RARB: variants seen among roughly 807,000 people sequenced by gnomAD.
RARB encodes HBV-activated protein.
A neutral mutation model predicts 51.9 loss-of-function variants in RARB; 17 were observed. The observed-to-expected ratio is 0.33, with a 90% CI of 0.22 to 0.49. RARB has a LOEUF of 0.49. Ranked by LOEUF, RARB falls within the 20% of genes least tolerant of loss-of-function variation. The probability of loss-of-function intolerance (pLI) is 0.99; values close to 1 mark genes in which losing one functional copy is unlikely to be tolerated. For synonymous variants in RARB, 215 were observed against 195.4 expected, an observed-to-expected ratio of 1.10 and a Z score of -0.84; for missense variants, 369 against 550.8, an observed-to-expected ratio of 0.67 and a Z score of 3.30.
chr3:25,348,971 G>GCATTCTCCCC (rs1705478554), intron 5 of RARB, among the ~76,000 whole-genome samples: 1 of 152,178 alleles, frequency 6.6e-6, no homozygotes, highest in Non-Finnish European at 1.5e-5. Flanking sequence ...TCCCCAGGTT[G>GCATTCTCCCC]CATTCTCCCC....
At chr3:24,912,748 T>C (rs961358286) in intron 2 of RARB, among the ~76,000 whole-genome samples, 2 of 152,148 alleles carry the variant, frequency 1.3e-5, no homozygotes, top group African/African-American at 4.8e-5. Context: ...TAGCATTCTA[T>C]GAATGTTCTT....
At chr3:24,939,874 A>G (rs1390543899) in intron 2 of RARB, among the ~76,000 whole-genome samples, 2 of 152,228 alleles carry the variant, frequency 1.3e-5, no homozygotes, top group African/African-American at 2.4e-5. Flanking sequence ...CTACTAACAT[A>G]CATAACACTG....
intron 2 of RARB, among the ~76,000 whole-genome samples, chr3:24,907,788 T>C (rs998297590): frequency 6.6e-6 from 1 of 152,148 alleles, no homozygotes; most frequent in Non-Finnish European, 1.5e-5. Flanking sequence ...TAAACAGATT[T>C]GTTTTTAGCA....
chr3:24,877,442 C>T (rs1318637916), intron 2 of RARB, among the ~76,000 whole-genome samples: 1 of 138,646 alleles, frequency 7.2e-6, no homozygotes, highest in African/African-American at 2.6e-5. Context: ...AAGTAGAGTG[C>T]AGGTATGGCT....
intron 3 of RARB, among the ~76,000 whole-genome samples, chr3:25,115,562 C>T (rs78805452): frequency 0.018 from 2,782 of 150,454 alleles, 89 homozygotes; most frequent in African/African-American, 0.062. Context: ...TCTTTTCTCC[C>T]CTCCCCTCCT....
intron 3 of RARB, among the ~76,000 whole-genome samples, chr3:25,519,080 T>C (rs1377280007): frequency 6.6e-6 from 1 of 152,238 alleles, no homozygotes; most frequent in Admixed American, 6.5e-5. Flanking sequence ...TCATTACCTC[T>C]GTAGGATTTT....
intron 5 of RARB, among the ~76,000 whole-genome samples, chr3:25,582,573 C>T (rs117691344): frequency 8.0e-4 from 121 of 152,090 alleles, no homozygotes; most frequent in African/African-American, 2.6e-3. Context: ...TGAGATCCTC[C>T]GGGAAAGTGT....
chr3:25,569,881 C>T lies in RARB; in HGVS notation c.572C>T (p.Thr191Ile). The T allele has an allele frequency of 6.2e-7, 1 of 1,614,210 alleles. No individual in the cohort carries two copies. Among genetic ancestry groups the T allele is most frequent in the Admixed American group, 1.7e-5 (1 of 60,036 alleles). The change falls in exon 4 of 8, where the codon ACT (threonine) becomes ATT (isoleucine). Residue 191 changes from threonine (T) to isoleucine (I), a missense_variant. Coordinates refer to ENST00000330688, the MANE Select transcript of RARB (RefSeq NM_000965.5). ...TEKIRKAHQE[T>I]FPSLCQLGKY... ...AAGATCCGAAAAGCTCACCAGGAAACTTTCCCTTCACTCTGCCAGCTGGGT... is the reference window on the plus strand; with the variant it reads ...AAGATCCGAAAAGCTCACCAGGAAATTTTCCCTTCACTCTGCCAGCTGGGT...
intron 2 of RARB, among the ~76,000 whole-genome samples, chr3:24,952,278 A>G (rs1695911391): frequency 6.6e-6 from 1 of 152,114 alleles, no homozygotes; most frequent in Non-Finnish European, 1.5e-5. Flanking sequence ...TTACACAATT[A>G]ATGATTAGTG....
At chr3:24,997,457 G>A (rs1193257996) in intron 2 of RARB, among the ~76,000 whole-genome samples, 1 of 151,828 alleles carries the variant, frequency 6.6e-6, no homozygotes, top group African/African-American at 2.4e-5. Flanking sequence ...ATTGATAGGT[G>A]AGGACTTACT....
chr3:25,164,601 T>C (rs184781431), intron 4 of RARB, among the ~76,000 whole-genome samples: 2 of 152,334 alleles, frequency 1.3e-5, no homozygotes, highest in East Asian at 3.9e-4. Flanking sequence ...TTTTCTAGAA[T>C]AGATATACCC....
intron 5 of RARB, among the ~76,000 whole-genome samples, chr3:25,239,750 G>GT (rs746825388): frequency 5.2e-4 from 79 of 152,172 alleles, no homozygotes; most frequent in Non-Finnish European, 9.6e-4. Context: ...CTCCCGCTTT[G>GT]TTTTTTGTGT....
intron 4 of RARB, among the ~76,000 whole-genome samples, chr3:25,159,335 A>C (rs201274279): frequency 2.7e-5 from 4 of 150,858 alleles, no homozygotes; most frequent in East Asian, 3.9e-4. Flanking sequence ...ACACCTGGCT[A>C]ATTTTGTGTT....
At chr3:25,204,744 C>T (rs1575217692) in intron 5 of RARB, among the ~76,000 whole-genome samples, 2 of 152,176 alleles carry the variant, frequency 1.3e-5, no homozygotes, top group African/African-American at 4.8e-5. Flanking sequence ...ACGGTGAATA[C>T]TGGCAAACAG....
intron 3 of RARB, among the ~76,000 whole-genome samples, chr3:25,062,252 C>A (rs765952949): frequency 6.6e-6 from 1 of 151,766 alleles, no homozygotes; most frequent in Non-Finnish European, 1.5e-5. Context: ...TTCAAGCATA[C>A]TAATATTTAA....
At chr3:25,071,459 C>T (rs1002772048) in intron 3 of RARB, among the ~76,000 whole-genome samples, 12 of 152,190 alleles carry the variant, frequency 7.9e-5, no homozygotes, top group South Asian at 6.2e-4. Flanking sequence ...ATAATCCAAA[C>T]GCCCCATCTA....
chr3:25,387,088 A>C (rs922694972), intron 5 of RARB, among the ~76,000 whole-genome samples: 1 of 152,154 alleles, frequency 6.6e-6, no homozygotes, highest in Non-Finnish European at 1.5e-5. Flanking sequence ...TCTGTTAGCA[A>C]TTGTCACTCT....
At chr3:25,220,863 A>C (rs890418019) in intron 5 of RARB, among the ~76,000 whole-genome samples, 16 of 152,222 alleles carry the variant, frequency 1.1e-4, no homozygotes, top group Non-Finnish European at 1.6e-4. Context: ...GTCATCTTTT[A>C]AGTGGAGATG....
intron 1 of RARB, among the ~76,000 whole-genome samples, chr3:25,447,414 G>T (rs1209421325): frequency 1.3e-5 from 2 of 152,172 alleles, no homozygotes; most frequent in Non-Finnish European, 2.9e-5. Flanking sequence ...TTTTTCAGTT[G>T]TCTGTTTGCG....
Sources: gnomAD v4.1 joint callset for allele counts (sites outside exome capture counted in the v4.1 genomes callset) on GRCh38, gnomAD v4.1.1 for gene constraint, MANE v1.5 for transcripts, NCBI Gene and HGNC (gene_info 2026-07-23, HGNC 2026-07-21) for gene names.